Variants in G2E3 observed in about 807,000 individuals in gnomAD.
G2E3 encodes G2/M phase-specific E3 ubiquitin-protein ligase.
G2E3 carries 35 observed loss-of-function variants against 92.8 expected under a neutral mutation model. That is an observed-to-expected ratio of 0.38 (90% CI 0.29 to 0.50). G2E3 has a LOEUF of 0.50. Ranked by LOEUF, G2E3 falls within the 20% of genes least tolerant of loss-of-function variation. G2E3 has a pLI of 0.94. For synonymous variants in G2E3, 242 were observed against 272.4 expected (o/e 0.89, Z 1.10); for missense variants, 554 against 823.8 (o/e 0.67, Z 4.01).
chr14:30,598,315 A>G, intron 7 of G2E3, 168 bp from the exon 8 acceptor site: 1 of 493,002 alleles, frequency 2.0e-6, no homozygotes, highest in Non-Finnish European at 3.7e-6. Context: ...TGAACCCGGC[A>G]GGCGGAGGTT....
rs1319968476 is a variant in G2E3, at chr14:30,619,148, T to A, written c.*2614T>A. On this transcript the variant is annotated 3_prime_UTR_variant, in exon 15 of 15. Coordinates refer to ENST00000206595, the MANE Select transcript of G2E3 (RefSeq NM_017769.5). ...ATATCTCACCAGAAACTTACAATTT[T>A]ATACTTTGTAATTTTTAGTTTCTGT... The A allele has an allele frequency of 1.3e-5, 2 of 152,162 alleles. No homozygotes were observed. The highest frequency in any genetic ancestry group is 4.8e-5 in the African/African-American group (2 of 41,478). 9.4% of individuals were successfully genotyped at this position (152,162 alleles called of 1,614,324 possible). A position where few individuals can be genotyped will look rare whatever the true frequency, so the allele number is the denominator to read the frequency against.
At chr14:30,571,670 G>A (rs752476759) in intron 1 of G2E3, among the ~76,000 whole-genome samples, 3 of 151,910 alleles carry the variant, frequency 2.0e-5, no homozygotes, top group Non-Finnish European at 4.4e-5. Context: ...TTATTGAATA[G>A]ACTACCATTT....
chr14:30,580,847 C>G (rs1490042602), intron 1 of G2E3: 1 of 444,592 alleles, frequency 2.2e-6, no homozygotes, highest in Non-Finnish European at 4.1e-6. Flanking sequence ...CAGTGGTCAT[C>G]TTAATTGTTT....
intron 1 of G2E3, among the ~76,000 whole-genome samples, chr14:30,568,980 C>G (rs1342153109): frequency 6.6e-6 from 1 of 152,110 alleles, no homozygotes. Flanking sequence ...CCCTTTCACC[C>G]TAGACCCCAG....
intron 10 of G2E3, among the ~76,000 whole-genome samples, chr14:30,602,560 C>A (rs1049580623): frequency 5.3e-5 from 8 of 151,752 alleles, no homozygotes; most frequent in Non-Finnish European, 1.0e-4. Context: ...TCAAGCATAC[C>A]GTGTCACCTT....
chr14:30,583,172 T>A (rs898970083), intron 2 of G2E3, among the ~76,000 whole-genome samples: 1 of 152,192 alleles, frequency 6.6e-6, no homozygotes, highest in African/African-American at 2.4e-5. Context: ...TTCTTAGGGA[T>A]CCTGTCTTTT....
chr14:30,615,421 C>G lies in G2E3; in HGVS notation c.1746C>G (p.Ile582Met). Residue 582 changes from isoleucine to methionine, a missense_variant, in exon 14 of 15, where the codon ATC becomes ATG. Physicochemically the swap from Ile to Met is conservative, Grantham distance 10. This residue lies in a region of G2E3 where 397 missense variants were observed against 560.3 expected (regional missense o/e 0.71). Coordinates refer to ENST00000206595, the MANE Select transcript of G2E3 (RefSeq NM_017769.5). The stretch of plus-strand genomic sequence containing the variant: ...CTTATCCAGAAGCATTTTGTAGCAT[C>G]CTGTGTCATAAACCTGAGAGTCTTT... ...IQAYPEAFCS[I>M]LCHKPESLSA... 1 of 1,610,824 alleles carries G rather than the reference C, an allele frequency of 6.2e-7. No homozygotes were observed.
rs567354761 is a variant in G2E3 at position 30,560,651 on chromosome 14, T to G, written c.-5+1379T>G. ...AATTGATCGCTATATCCTAATCTCT[T>G]TATTTTTTTCTACCTGAATTATTTT... On this transcript the variant is annotated intron_variant, in intron 1 of 14. Transcript: ENST00000206595. The G allele has an allele frequency of 4.3e-4, 265 of 611,114 alleles. 1 individual carries two copies. The African/African-American group carries it at 4.5e-3, about 10-fold the overall frequency. 37.9% of individuals were successfully genotyped at this position (611,114 alleles called of 1,614,324 possible).
chr14:30,573,819 A>G (rs548956045), intron 1 of G2E3, among the ~76,000 whole-genome samples: 9 of 152,242 alleles, frequency 5.9e-5, no homozygotes, highest in East Asian at 3.9e-4. Flanking sequence ...AAGTTTACCA[A>G]TCTTTTCCAG....
intron 4 of G2E3, among the ~76,000 whole-genome samples, chr14:30,591,401 G>A (rs114838253): frequency 3.3e-5 from 5 of 152,138 alleles, no homozygotes; most frequent in South Asian, 2.1e-4. Flanking sequence ...TTCAGTTAGC[G>A]GCACTGGTAG....
At chr14:30,601,930 C>G in intron 9 of G2E3, 36 bp downstream of exon 9, 1 of 1,603,598 alleles carries the variant, frequency 6.2e-7, no homozygotes, top group South Asian at 1.1e-5. Flanking sequence ...AGTTTTTATT[C>G]AAATGTATAT....
chr14:30,614,340 G>A (rs563258210), intron 13 of G2E3, among the ~76,000 whole-genome samples: 1 of 152,326 alleles, frequency 6.6e-6, no homozygotes, highest in Admixed American at 6.5e-5. Flanking sequence ...TGGAGGCTGG[G>A]AAGTCCAAAG....
chr14:30,591,491 T>C (rs2138850004), intron 4 of G2E3, among the ~76,000 whole-genome samples: 1 of 152,274 alleles, frequency 6.6e-6, no homozygotes, highest in South Asian at 2.1e-4. Context: ...GAGGCCAGAA[T>C]TGTAAATCAA....
At chr14:30,591,811 G>A (rs901504072) in intron 4 of G2E3, among the ~76,000 whole-genome samples, 3 of 152,128 alleles carry the variant, frequency 2.0e-5, no homozygotes, top group South Asian at 2.1e-4. Flanking sequence ...CAGGTACTGG[G>A]AGTCGGGACC....
intron 1 of G2E3, among the ~76,000 whole-genome samples, chr14:30,570,161 CTA>C (rs1402356737): frequency 6.6e-6 from 1 of 152,106 alleles, no homozygotes; most frequent in Non-Finnish European, 1.5e-5. Context: ...TTCTGGAACT[CTA>C]TGGTTTCAAA....
intron 8 of G2E3, among the ~76,000 whole-genome samples, chr14:30,601,073 C>A (rs1881546869): frequency 6.6e-6 from 1 of 152,150 alleles, no homozygotes; most frequent in South Asian, 2.1e-4. Flanking sequence ...GATATGCCCC[C>A]ACCTCTGGGG....
chr14:30,575,556 A>G (rs947518755), intron 1 of G2E3, among the ~76,000 whole-genome samples: 5 of 152,218 alleles, frequency 3.3e-5, no homozygotes, highest in African/African-American at 9.6e-5. Flanking sequence ...AGGGCATCCA[A>G]ATAGGAAGAG....
intron 1 of G2E3, among the ~76,000 whole-genome samples, chr14:30,570,347 A>G (rs1879684571): frequency 6.6e-6 from 1 of 152,196 alleles, no homozygotes; most frequent in Non-Finnish European, 1.5e-5. Flanking sequence ...AAAAATGTGT[A>G]GATTGAAGTC....
chr14:30,580,906 T>C lies in G2E3; in HGVS notation c.-4-170T>C, dbSNP rs1880395762. On this transcript the variant is annotated intron_variant, in intron 1 of 14. Transcript: ENST00000206595. ...CAATTTAAAAAATGTTCCCGACTCTTAACACCCCAGTTGAGAACTACTGAT... is the reference window on the plus strand; with the variant it reads ...CAATTTAAAAAATGTTCCCGACTCTCAACACCCCAGTTGAGAACTACTGAT... 5.3e-6 allele frequency: 3 copies of C among 567,610 alleles called. No homozygotes were observed. In the East Asian group the frequency reaches 9.9e-5, roughly 19 times the overall value. The allele number at this position is 567,610 out of a possible 1,614,324, so 35.2% of individuals were successfully genotyped here.
Sources: allele counts gnomAD v4.1 joint callset (sites outside exome capture counted in the v4.1 genomes callset), GRCh38; gene constraint gnomAD v4.1.1; regional missense constraint gnomAD v4.1.1; transcripts MANE v1.5; gene names NCBI Gene and HGNC (gene_info 2026-07-23, HGNC 2026-07-21).